The following EXOC3 variants were observed in gnomAD, a reference collection of about 807,000 sequenced individuals.
EXOC3 encodes SEC6-like 1.
Under a neutral mutation model 73.7 loss-of-function variants are expected in EXOC3, and 21 were observed. The ratio of observed to expected loss-of-function variants is 0.29; its 90% CI spans 0.20 to 0.41. EXOC3 has a LOEUF of 0.41. Ranked by LOEUF, EXOC3 falls within the 10% of genes least tolerant of loss-of-function variation. The pLI, the probability that EXOC3 is intolerant of heterozygous loss-of-function variation, is 1.00. For synonymous variants in EXOC3, 410 were observed against 389.1 expected, an observed-to-expected ratio of 1.05 and a Z score of -0.63; for missense variants, 842 against 985.1, an observed-to-expected ratio of 0.85 and a Z score of 1.95.
chr5:446,415 G>A, intron 2 of EXOC3, 66 bp downstream of exon 2: 1 of 1,445,458 alleles, frequency 6.9e-7, no homozygotes, highest in Non-Finnish European at 9.2e-7. Context: ...ACATCACCAT[G>A]ATGATTTTGC....
Position 447,658 on chromosome 5 carries a change from C to G in EXOC3, c.270C>G (p.Ile90Met). 2 of 1,589,000 alleles carry G rather than the reference C, an allele frequency of 1.3e-6. No individual in the cohort carries two copies. Among genetic ancestry groups the G allele is most frequent in the Non-Finnish European group, 1.7e-6 (2 of 1,167,670 alleles). Residue 90 changes from isoleucine (I) to methionine (M), a missense_variant, in exon 3 of 13, where the codon ATC becomes ATG. Coordinates refer to ENST00000512944, the MANE Select transcript of EXOC3 (RefSeq NM_007277.5). Reference sequence around the variant, plus strand: ...TCAGCAAGGACTGGAGGCAGAGCATCAACACCATTGAGAGCCTCAAGGACG... The same window carrying G: ...TCAGCAAGGACTGGAGGCAGAGCATGAACACCATTGAGAGCCTCAAGGACG... The part of the protein sequence containing the change: ...ADVSKDWRQS[I>M]NTIESLKDVK...
chr5:450,119 G>A lies in EXOC3; in HGVS notation c.364+2367G>A, dbSNP rs186653963. ...AAATTAGCCGGGCGTGGTGGCAGGCGCCTGTAATCCCAGCTACTCAGGAGG... is the reference window on the plus strand; with the variant it reads ...AAATTAGCCGGGCGTGGTGGCAGGCACCTGTAATCCCAGCTACTCAGGAGG... On this transcript the variant is annotated intron_variant, in intron 3 of 12. Coordinates refer to ENST00000512944, the MANE Select transcript of EXOC3 (RefSeq NM_007277.5). Among the ~76,000 whole-genome samples the A allele has an allele frequency of 4.8e-3, 726 of 152,168 alleles. 2 individuals are homozygous for A. The highest frequency in any genetic ancestry group is 8.0e-3 in the Non-Finnish European group (542 of 68,004).
chr5:452,914 G>A (rs902447043), intron 3 of EXOC3, among the ~76,000 whole-genome samples: 1 of 152,254 alleles, frequency 6.6e-6, no homozygotes, highest in Admixed American at 6.5e-5. Context: ...GAGCTCTGTG[G>A]GGGTGAGGAG....
chr5:450,118 C>T (rs181387134), intron 3 of EXOC3, among the ~76,000 whole-genome samples: 258 of 152,148 alleles, frequency 1.7e-3, no homozygotes, highest in Middle Eastern at 3.4e-3. Flanking sequence ...TGGTGGCAGG[C>T]GCCTGTAATC....
At chr5:462,826 C>T (rs1738028450) in intron 9 of EXOC3, among the ~76,000 whole-genome samples, 1 of 152,166 alleles carries the variant, frequency 6.6e-6, no homozygotes, top group Non-Finnish European at 1.5e-5. Context: ...ACCTTGTAGG[C>T]CGGGTGTGGT....
At chr5:444,524 C>T (rs1737445724) in intron 1 of EXOC3, among the ~76,000 whole-genome samples, 1 of 152,206 alleles carries the variant, frequency 6.6e-6, no homozygotes, top group Non-Finnish European at 1.5e-5. Flanking sequence ...CAAAATCATA[C>T]AGGCTTTAAT....
Position 466,840 on chromosome 5 carries a change from T to G in EXOC3, c.2180T>G (p.Val727Gly), listed in dbSNP as rs1738167218. ...QGPAQASPSY[V>G]PLFKDIVVPS... The stretch of plus-strand genomic sequence containing the variant: ...CCAGCACAGGCCAGCCCCAGCTACG[T>G]GCCCCTCTTCAAGGACATTGTGGTG... The change falls in exon 13 of 13, where the codon GTG (valine) becomes GGG (glycine). Residue 727 changes from valine to glycine, a missense_variant. Transcript: ENST00000512944. 1 of 1,613,218 alleles carries G rather than the reference T, an allele frequency of 6.2e-7. No individual in the cohort carries two copies. The highest frequency in any genetic ancestry group is 8.5e-7 in the Non-Finnish European group (1 of 1,179,650).
At chr5:444,697 G>A (rs923461181) in intron 1 of EXOC3, among the ~76,000 whole-genome samples, 7 of 152,212 alleles carry the variant, frequency 4.6e-5, no homozygotes, top group Non-Finnish European at 1.0e-4. Context: ...TGAGTGTCGG[G>A]ATTTAAGGGG....
intron 4 of EXOC3, among the ~76,000 whole-genome samples, chr5:454,656 C>T (rs779338218): frequency 1.1e-4 from 16 of 152,164 alleles, no homozygotes; most frequent in Non-Finnish European, 1.6e-4. Context: ...CCACTCTGTG[C>T]GTGGATTAAT....
At chr5:454,302 AGGGTGCAGCTCTGGGCT>A (rs1737740196) in intron 4 of EXOC3, among the ~76,000 whole-genome samples, 1 of 152,238 alleles carries the variant, frequency 6.6e-6, no homozygotes, top group African/African-American at 2.4e-5. Context: ...TGAGCTTGAC[AGGGTGCAGCTCTGGGCT>A]GGGCCTGTTT....
chr5:446,270 G>A lies in EXOC3; in HGVS notation c.65G>A (p.Arg22His), dbSNP rs1232945555. 5.0e-6 allele frequency: 8 copies of A among 1,613,824 alleles called. No individual in the cohort carries two copies. The highest frequency in any genetic ancestry group is 6.8e-6 in the Non-Finnish European group (8 of 1,179,756). ...AVQRVAGMLQ[R>H]PDQLDKVEQY... Reference sequence around the variant, plus strand: ...CAAAGGGTTGCTGGGATGCTCCAGCGCCCGGACCAGCTGGACAAGGTGGAG... The same window carrying A: ...CAAAGGGTTGCTGGGATGCTCCAGCACCCGGACCAGCTGGACAAGGTGGAG... The change falls in exon 2 of 13, where the codon CGC (arginine) becomes CAC (histidine). Residue 22 changes from arginine (R) to histidine (H), a missense_variant. Arg to His is a conservative substitution (Grantham distance 29, BLOSUM62 0). Coordinates refer to ENST00000512944, the MANE Select transcript of EXOC3 (RefSeq NM_007277.5).
intron 1 of EXOC3, among the ~76,000 whole-genome samples, chr5:443,826 GTCCT>G (rs1737422866): frequency 6.6e-6 from 1 of 151,626 alleles, no homozygotes; most frequent in African/African-American, 2.4e-5. Context: ...AGGCGCAGTT[GTCCT>G]TCCTGGCACA....
rs977725236 is a variant in EXOC3, at chr5:447,827, G to C, written c.364+75G>C. The C allele has an allele frequency of 6.2e-6, 7 of 1,130,830 alleles. No individual in the cohort carries two copies. The East Asian group carries it at 1.8e-4, about 29-fold the overall frequency. The allele number at this position is 1,130,830 out of a possible 1,614,324, so 70.0% of individuals were successfully genotyped here. A position where few individuals can be genotyped will look rare whatever the true frequency, so the allele number is the denominator to read the frequency against. ...TGACTCACTGAGTGCTCTGTGTGCAGTGTGCTTTGCAGCCCGCACTGTAGA... is the reference window on the plus strand; with the variant it reads ...TGACTCACTGAGTGCTCTGTGTGCACTGTGCTTTGCAGCCCGCACTGTAGA... On this transcript the variant is annotated intron_variant, in intron 3 of 12. Transcript: ENST00000512944.
chr5:458,923 C>T (rs1579741526), intron 6 of EXOC3, among the ~76,000 whole-genome samples: 1 of 152,332 alleles, frequency 6.6e-6, no homozygotes, highest in East Asian at 1.9e-4. Context: ...TCCCCTTGCC[C>T]TTCCTCTGCC....
In EXOC3 at chr5:443,193, C is replaced by T; in HGVS notation, c.-154C>T. On this transcript the variant is annotated 5_prime_UTR_variant, in exon 1 of 13. Transcript: ENST00000512944. ...CGCTGTCCACTTCCGGCCGGGACCC[C>T]GGAGGCGGAGGCAGCGAAGGCGGAG... 1 of 161,062 alleles carries T rather than the reference C, an allele frequency of 6.2e-6. No homozygotes were observed. Among genetic ancestry groups the T allele is most frequent in the Non-Finnish European group, 1.3e-5 (1 of 74,458 alleles). The allele number at this position is 161,062 out of a possible 1,614,324, so 10.0% of individuals were successfully genotyped here.
At chr5:444,682 G>A (rs1215118007) in intron 1 of EXOC3, among the ~76,000 whole-genome samples, 4 of 152,270 alleles carry the variant, frequency 2.6e-5, no homozygotes. Context: ...GGAGGGAGTT[G>A]CCCCTGAGTG....
At chr5:464,095 G>A (rs539225166) in intron 9 of EXOC3, among the ~76,000 whole-genome samples, 195 bp from the exon 10 acceptor site, 170 of 152,216 alleles carry the variant, frequency 1.1e-3, no homozygotes, top group African/African-American at 3.9e-3. Flanking sequence ...CTCGTGGGAC[G>A]TTGAGGTGAG....
At chr5:465,060 C>A in intron 10 of EXOC3, 51 bp from the exon 11 acceptor site, 4 of 1,489,540 alleles carry the variant, frequency 2.7e-6, no homozygotes, top group Non-Finnish European at 3.6e-6. Context: ...TGAGGGTGCT[C>A]CTGGCCGCCA....
At chr5:457,271 C>T in intron 5 of EXOC3, 2 of 486,520 alleles carry the variant, frequency 4.1e-6, no homozygotes, top group Non-Finnish European at 7.5e-6. Flanking sequence ...GGCCAGGGCC[C>T]AGAACGTCTG....
Sources: allele counts gnomAD v4.1 joint callset (sites outside exome capture counted in the v4.1 genomes callset), GRCh38; gene constraint gnomAD v4.1.1; transcripts MANE v1.5; gene names NCBI Gene and HGNC (gene_info 2026-07-23, HGNC 2026-07-21).